TSNARE1: variants seen among roughly 807,000 people sequenced by gnomAD.
The protein encoded by TSNARE1 is t-SNARE domain-containing protein 1.
TSNARE1 carries 49 observed loss-of-function variants against 62.0 expected under a neutral mutation model. The ratio of observed to expected loss-of-function variants is 0.79; its 90% CI spans 0.63 to 1.00. The LOEUF is 1.00. TSNARE1 is among the 50% of genes least tolerant of loss of function. The pLI is 0.00. For synonymous variants in TSNARE1, 328 were observed against 294.4 expected (o/e 1.11, Z -1.17); for missense variants, 755 against 700.1 (o/e 1.08, Z -0.88).
At chr8:142,400,854 G>A (rs1292367729) in intron 1 of TSNARE1, among the ~76,000 whole-genome samples, 1 of 152,166 alleles carries the variant, frequency 6.6e-6, no homozygotes, top group African/African-American at 2.4e-5. Flanking sequence ...CTCTCCATCT[G>A]GGAAATGGGG....
intron 12 of TSNARE1, among the ~76,000 whole-genome samples, chr8:142,237,003 C>A (rs916951089): frequency 5.9e-5 from 9 of 152,304 alleles, no homozygotes; most frequent in African/African-American, 2.2e-4. Context: ...AAGGGAAGAG[C>A]CCATGGTTAT....
In TSNARE1 at chr8:142,314,237, C is replaced by T. The variant is rs878893537; in HGVS notation, c.1131+147G>A. 8.1e-5 allele frequency: 55 copies of T among 682,106 alleles called. 1 individual carries two copies. The South Asian group carries it at 1.0e-3, about 12-fold the overall frequency. 42.3% of individuals were successfully genotyped at this position (682,106 alleles called of 1,614,324 possible). On this transcript the variant is annotated intron_variant, in intron 9 of 13. Transcript: ENST00000524325. ...GTGCCAGGGCCCAAAGGTCAAAATG[C>T]CCACGTTTTCAAGGCTGTGCCTCAG...
intron 1 of TSNARE1, among the ~76,000 whole-genome samples, chr8:142,380,050 G>A (rs1006065856): frequency 2.6e-5 from 4 of 152,184 alleles, no homozygotes; most frequent in African/African-American, 9.6e-5. Flanking sequence ...CCAAATCTGC[G>A]CTGGGAGTTC....
At chr8:142,289,037 C>A (rs1459956979) in intron 10 of TSNARE1, among the ~76,000 whole-genome samples, 1 of 152,230 alleles carries the variant, frequency 6.6e-6, no homozygotes, top group Non-Finnish European at 1.5e-5. Context: ...TGCTCTTCCT[C>A]ATTTTAGGCG....
rs1370598996 is a variant in TSNARE1 at position 142,311,290 on chromosome 8, G to T, written c.1131+3094C>A. ...CGATTCTCCTGCCTCAGCCTCTCTA[G>T]TTTTTTTTTTTTTTTTTTTTTTTTG... On this transcript the variant is annotated intron_variant, in intron 9 of 13. Transcript: ENST00000524325. Among the ~76,000 whole-genome samples, 34 of 57,344 alleles carry T rather than the reference G, an allele frequency of 5.9e-4. 1 individual carries two copies. In the East Asian group the frequency reaches 0.011, roughly 19 times the overall value. 37.6% of individuals were successfully genotyped at this position (57,344 alleles called of 152,430 possible). A position where few individuals can be genotyped will look rare whatever the true frequency, so the allele number is the denominator to read the frequency against.
At chr8:142,350,248 C>T (rs370968138) in intron 2 of TSNARE1, among the ~76,000 whole-genome samples, 4 of 151,980 alleles carry the variant, frequency 2.6e-5, no homozygotes, top group Non-Finnish European at 2.9e-5. Context: ...CAGGGCAGGC[C>T]GGCTTCTGCA....
At chr8:142,274,935 A>G (rs1254706686) in intron 11 of TSNARE1, 72 bp from the exon 12 acceptor site, 16 of 1,415,844 alleles carry the variant, frequency 1.1e-5, no homozygotes, top group Admixed American at 2.9e-5. Context: ...ACACCCCCCA[A>G]AGGCAAGCCC....
intron 12 of TSNARE1, among the ~76,000 whole-genome samples, chr8:142,271,943 C>T (rs754879646): frequency 6.6e-6 from 1 of 151,972 alleles, no homozygotes; most frequent in African/African-American, 2.4e-5. Context: ...AGCCTGCGTG[C>T]CCACTCATCA....
At chr8:142,371,914 T>C (rs1301087536) in intron 1 of TSNARE1, among the ~76,000 whole-genome samples, 2 of 152,186 alleles carry the variant, frequency 1.3e-5, no homozygotes, top group Non-Finnish European at 2.9e-5. Flanking sequence ...GCTGCTTTTG[T>C]ACCATGGGGC....
chr8:142,365,959 T>C, intron 1 of TSNARE1: 1 of 447,184 alleles, frequency 2.2e-6, no homozygotes, highest in South Asian at 1.6e-5. Flanking sequence ...CAGCAGCTGA[T>C]GGTTTTGTAG....
chr8:142,299,588 G>A (rs1825340450), intron 10 of TSNARE1, among the ~76,000 whole-genome samples: 1 of 152,216 alleles, frequency 6.6e-6, no homozygotes, highest in South Asian at 2.1e-4. Context: ...CAAGAGAGAA[G>A]AGGCTCACTC....
At chr8:142,350,255 T>C (rs1039799192) in intron 2 of TSNARE1, among the ~76,000 whole-genome samples, 2 of 152,178 alleles carry the variant, frequency 1.3e-5, no homozygotes, top group African/African-American at 4.8e-5. Flanking sequence ...GGCCGGCTTC[T>C]GCATCTGCAT....
chr8:142,272,529 T>C (rs1586926056), intron 12 of TSNARE1: 2 of 339,588 alleles, frequency 5.9e-6, no homozygotes, highest in African/African-American at 1.4e-4. Flanking sequence ...AGCTTCCTCC[T>C]TCCATCTACC....
At chr8:142,364,834 T>C (rs1835417058) in intron 1 of TSNARE1, among the ~76,000 whole-genome samples, 1 of 152,132 alleles carries the variant, frequency 6.6e-6, no homozygotes, top group Admixed American at 6.5e-5. Context: ...CACACTGTTA[T>C]AGATGAATAA....
At chr8:142,403,432 A>G (rs1281167207), upstream of TSNARE1, among the ~76,000 whole-genome samples, 1 of 151,900 alleles carries the variant, frequency 6.6e-6, no homozygotes, top group African/African-American at 2.4e-5. Flanking sequence ...GCGAAGGTGG[A>G]GGTCACGTGG....
At position 142,314,425 on chromosome 8, in the gene TSNARE1, A is replaced by G. The variant is rs1828186897; in HGVS notation, c.1090T>C (p.Ser364Pro). Residue 364 changes from serine to proline, a missense_variant, in exon 9 of 14, where the codon TCC (serine) becomes CCC (proline). Ser to Pro is a moderately conservative substitution (Grantham distance 74, BLOSUM62 -1). Transcript: ENST00000524325. The stretch of plus-strand genomic sequence containing the variant: ...TGCGCCATGGGAAGCAGCGCTCTGG[A>G]CTTTTCTGCAATTTTCTGTTGAAAA... ...GVVQKKIAEK[S>P]RALLPMAQRG... The G allele has an allele frequency of 6.2e-7, 1 of 1,614,014 alleles. No individual in the cohort carries two copies. Among genetic ancestry groups the G allele is most frequent in the Non-Finnish European group, 8.5e-7 (1 of 1,179,972 alleles).
At chr8:142,309,273 G>A (rs1180229561) in intron 9 of TSNARE1, among the ~76,000 whole-genome samples, 1 of 151,780 alleles carries the variant, frequency 6.6e-6, no homozygotes, top group East Asian at 1.9e-4. Context: ...ATACTGCGTT[G>A]GATACAACTT....
At chr8:142,248,284 C>T (rs905840793) in intron 12 of TSNARE1, among the ~76,000 whole-genome samples, 3 of 152,202 alleles carry the variant, frequency 2.0e-5, no homozygotes, top group Non-Finnish European at 4.4e-5. Context: ...TGTTCTGTTT[C>T]GCAGCACAAA....
rs572204898 is a variant in TSNARE1 at position 142,395,704 on chromosome 8, C to T, written c.-40+7400G>A. ...CAACGGTTCTCCCCACTTGCAATTC[C>T]GCCTCCTGCGCCCACTCCCAGCACA... On this transcript the variant is annotated intron_variant, in intron 1 of 13. Coordinates refer to ENST00000524325, the MANE Select transcript of TSNARE1 (RefSeq NM_145003.5). Among the ~76,000 whole-genome samples, 145 of 152,324 alleles carry T rather than the reference C, an allele frequency of 9.5e-4. 4 individuals carry two copies. Among genetic ancestry groups the T allele is most frequent in the Admixed American group, 9.2e-3 (141 of 15,304 alleles).
Sources: gnomAD v4.1 joint callset for allele counts (sites outside exome capture counted in the v4.1 genomes callset) on GRCh38, gnomAD v4.1.1 for gene constraint, MANE v1.5 for transcripts, NCBI Gene and HGNC (gene_info 2026-07-23, HGNC 2026-07-21) for gene names.